Variants in MARCHF1 observed in about 807,000 individuals in gnomAD.
MARCHF1 encodes the protein E3 ubiquitin-protein ligase MARCHF1.
Under a neutral mutation model 54.2 loss-of-function variants are expected in MARCHF1, and 40 were observed. The observed-to-expected ratio is 0.74, with a 90% CI of 0.57 to 0.96. The LOEUF is 0.96. Among genes scored for constraint, MARCHF1 ranks in the 40% least tolerant of loss-of-function variants. MARCHF1 has a pLI of 0.00. For missense variants in MARCHF1, 586 were observed against 656.5 expected (o/e 0.89, Z 1.17); for synonymous variants, 236 against 236.3 (o/e 1.00, Z 0.01).
intron 3 of MARCHF1, among the ~76,000 whole-genome samples, chr4:163,938,075 C>A (rs1230196616): frequency 6.6e-6 from 1 of 152,062 alleles, no homozygotes. Flanking sequence ...TTTCAACAGA[C>A]CATTCCACCA....
At chr4:163,732,511 ACAGT>A (rs1052193647) in intron 4 of MARCHF1, among the ~76,000 whole-genome samples, 2 of 152,186 alleles carry the variant, frequency 1.3e-5, no homozygotes, top group African/African-American at 2.4e-5. Context: ...TTGATACAAG[ACAGT>A]CAATTAACTC....
At chr4:164,251,445 C>T (rs1038578684) in intron 1 of MARCHF1, among the ~76,000 whole-genome samples, 8 of 152,108 alleles carry the variant, frequency 5.3e-5, no homozygotes, top group African/African-American at 4.8e-5. Context: ...TCTTCTTTGG[C>T]GCTTCTAGTC....
At chr4:164,358,470 G>T (rs546069248) in intron 1 of MARCHF1, among the ~76,000 whole-genome samples, 2 of 152,102 alleles carry the variant, frequency 1.3e-5, no homozygotes, top group Non-Finnish European at 2.9e-5. Context: ...AAACAGAATT[G>T]CAAGAATTTC....
intron 4 of MARCHF1, among the ~76,000 whole-genome samples, chr4:163,804,801 A>AT (rs1404221478): frequency 1.3e-5 from 2 of 152,004 alleles, no homozygotes; most frequent in African/African-American, 4.8e-5. Context: ...GCACCTCACC[A>AT]TTTTTCACGG....
intron 1 of MARCHF1, among the ~76,000 whole-genome samples, chr4:164,210,930 A>G (rs988033772): frequency 1.3e-5 from 2 of 152,176 alleles, no homozygotes; most frequent in Non-Finnish European, 1.5e-5. Flanking sequence ...GGAGGACATT[A>G]TGCTAAGTAA....
intron 1 of MARCHF1, among the ~76,000 whole-genome samples, chr4:164,350,122 T>C (rs1413509853): frequency 6.6e-6 from 1 of 152,226 alleles, no homozygotes; most frequent in Non-Finnish European, 1.5e-5. Context: ...ATACATATTT[T>C]AATAATCCAA....
rs1043727669 is a variant in MARCHF1 at position 164,285,059 on chromosome 4, T to C, written c.-323+98811A>G. Among the ~76,000 whole-genome samples the C allele has an allele frequency of 2.0e-5, 3 of 152,180 alleles. No individual in the cohort carries two copies. In the East Asian group the frequency reaches 5.8e-4, roughly 29 times the overall value. ...TAGGTTGACTACTGTAGGTGTTAAGTGTAGAAATATTTTATAATAAGAAAC... is the reference window on the plus strand; with the variant it reads ...TAGGTTGACTACTGTAGGTGTTAAGCGTAGAAATATTTTATAATAAGAAAC... On this transcript the variant is annotated intron_variant, in intron 1 of 9. Coordinates refer to ENST00000514618, the MANE Select transcript of MARCHF1 (RefSeq NM_001394959.1).
At chr4:163,632,535 C>A (rs897754782) in intron 5 of MARCHF1, among the ~76,000 whole-genome samples, 2 of 152,198 alleles carry the variant, frequency 1.3e-5, no homozygotes, top group African/African-American at 4.8e-5. Context: ...TGCGCTTTTC[C>A]GACGGGCTTA....
intron 4 of MARCHF1, among the ~76,000 whole-genome samples, chr4:163,739,532 G>T (rs1384221393): frequency 6.6e-6 from 1 of 152,084 alleles, no homozygotes; most frequent in South Asian, 2.1e-4. Flanking sequence ...TTTAATAAAA[G>T]AACGCTAAAC....
chr4:164,249,111 T>G (rs1028521326), intron 1 of MARCHF1, among the ~76,000 whole-genome samples: 1 of 152,122 alleles, frequency 6.6e-6, no homozygotes, highest in African/African-American at 2.4e-5. Context: ...ATGAAAATAT[T>G]TATTTACAAT....
chr4:164,052,841 G>T (rs1399072047), intron 2 of MARCHF1, among the ~76,000 whole-genome samples: 1 of 152,036 alleles, frequency 6.6e-6, no homozygotes, highest in East Asian at 1.9e-4. Flanking sequence ...AAAGTAATTA[G>T]GAGACTTAGA....
chr4:163,775,521 T>A (rs1180601727), intron 4 of MARCHF1, among the ~76,000 whole-genome samples: 1 of 152,134 alleles, frequency 6.6e-6, no homozygotes. Context: ...AGATAAAGAA[T>A]ATGCATTGTG....
At chr4:163,987,192 G>A (rs541064537) in intron 3 of MARCHF1, among the ~76,000 whole-genome samples, 27 of 152,304 alleles carry the variant, frequency 1.8e-4, no homozygotes, top group Non-Finnish European at 3.1e-4. Context: ...TCTAGAGAAT[G>A]TGCCTGAGCA....
At chr4:164,235,838 C>A (rs374769133) in intron 1 of MARCHF1, among the ~76,000 whole-genome samples, 1 of 151,966 alleles carries the variant, frequency 6.6e-6, no homozygotes, top group Non-Finnish European at 1.5e-5. Context: ...GAATTCACCA[C>A]TAAATAATTC....
chr4:164,229,149 A>G lies in MARCHF1; in HGVS notation c.-322-117487T>C, dbSNP rs112373982. Among the ~76,000 whole-genome samples the G allele has an allele frequency of 3.4e-3, 517 of 152,340 alleles. 1 individual carries two copies. Among genetic ancestry groups the G allele is most frequent in the African/African-American group, 0.012 (490 of 41,578 alleles). ...TATTACCTTGTAGTTTTCAATGTCA[A>G]CAAATTCTTTGACACATCTGCCTTC... On this transcript the variant is annotated intron_variant, in intron 1 of 9. Transcript: ENST00000514618.
intron 1 of MARCHF1, among the ~76,000 whole-genome samples, chr4:164,291,080 A>C (rs1057040487): frequency 6.6e-6 from 1 of 151,970 alleles, no homozygotes; most frequent in African/African-American, 2.4e-5. Context: ...AGACTACTCC[A>C]GAGACTACGA....
intron 5 of MARCHF1, among the ~76,000 whole-genome samples, chr4:163,679,671 G>A (rs1441005914): frequency 2.0e-5 from 3 of 150,032 alleles, no homozygotes; most frequent in African/African-American, 7.4e-5. Flanking sequence ...GGAGTGCAGT[G>A]GCACAGTCTA....
At chr4:164,354,243 ACCCT>A (rs1730444498) in intron 1 of MARCHF1, among the ~76,000 whole-genome samples, 1 of 126,600 alleles carries the variant, frequency 7.9e-6, no homozygotes. Context: ...AAGAGAGGGA[ACCCT>A]CCCTAACTCA....
chr4:163,931,218 A>C (rs1189609610), intron 3 of MARCHF1, among the ~76,000 whole-genome samples: 3 of 152,116 alleles, frequency 2.0e-5, no homozygotes, highest in Non-Finnish European at 4.4e-5. Flanking sequence ...TGAGAAAATA[A>C]ATTTCTGTTG....
Sources: gnomAD v4.1 joint callset for allele counts (sites outside exome capture counted in the v4.1 genomes callset) on GRCh38, gnomAD v4.1.1 for gene constraint, MANE v1.5 for transcripts, NCBI Gene and HGNC (gene_info 2026-07-23, HGNC 2026-07-21) for gene names.